Variants in TMX3 observed in about 807,000 individuals in gnomAD.
TMX3 encodes protein disulfide-isomerase TMX3.
TMX3 carries 40 observed loss-of-function variants against 64.4 expected under a neutral mutation model. That is an observed-to-expected ratio of 0.62 (90% CI 0.48 to 0.81). The LOEUF (loss-of-function observed/expected upper bound fraction) is 0.81. TMX3 is among the 30% of genes least tolerant of loss of function. The pLI is 0.00. For synonymous variants in TMX3, 189 were observed against 175.7 expected, an observed-to-expected ratio of 1.08 and a Z score of -0.60; for missense variants, 497 against 534.5, an observed-to-expected ratio of 0.93 and a Z score of 0.69.
At chr18:68,713,800 G>T in intron 2 of TMX3, 46 bp downstream of exon 2, 1 of 961,510 alleles carries the variant, frequency 1.0e-6, no homozygotes, top group Non-Finnish European at 1.5e-6. Flanking sequence ...AGATATCTGA[G>T]TTGGACAGTT....
Position 68,681,069 on chromosome 18 carries a change from T to C in TMX3, c.947A>G (p.Asn316Ser). The change falls in exon 14 of 16, where the codon AAC (asparagine) becomes AGC (serine). Residue 316 changes from asparagine (N) to serine (S), a missense_variant. Transcript: ENST00000299608. ...TCTATCTAGCAAGAAATATTGCTGGTTTGAAGTATTCAGTACAACTACAGT... is the reference window on the plus strand; with the variant it reads ...TCTATCTAGCAAGAAATATTGCTGGCTTGAAGTATTCAGTACAACTACAGT... The part of the protein sequence containing the change: ...VPTVVVLNTS[N>S]QQYFLLDRQI... 1 of 1,602,298 alleles carries C rather than the reference T, an allele frequency of 6.2e-7. No individual in the cohort carries two copies. The highest frequency in any genetic ancestry group is 1.7e-5 in the Admixed American group (1 of 58,144).
intron 9 of TMX3, among the ~76,000 whole-genome samples, chr18:68,690,448 C>T (rs906727569): frequency 6.6e-6 from 1 of 152,130 alleles, no homozygotes; most frequent in African/African-American, 2.4e-5. Flanking sequence ...TTCACTGCTT[C>T]CCTTGAAATT....
chr18:68,704,922 G>C (rs757901634), intron 4 of TMX3, among the ~76,000 whole-genome samples: 1 of 152,116 alleles, frequency 6.6e-6, no homozygotes, highest in Non-Finnish European at 1.5e-5. Flanking sequence ...TAGTTACCTT[G>C]TTATTTCATC....
chr18:68,683,338 A>G (rs1461091098), intron 12 of TMX3, among the ~76,000 whole-genome samples: 2 of 152,154 alleles, frequency 1.3e-5, no homozygotes, highest in Non-Finnish European at 1.5e-5. Flanking sequence ...GACGCTACAT[A>G]CTATGTAAGA....
At chr18:68,702,734 A>G (rs143803955) in intron 4 of TMX3, among the ~76,000 whole-genome samples, 8 of 152,320 alleles carry the variant, frequency 5.3e-5, no homozygotes, top group African/African-American at 1.7e-4. Flanking sequence ...TAAGGAAGCT[A>G]CTACATCTGA....
intron 10 of TMX3, among the ~76,000 whole-genome samples, chr18:68,685,792 A>G (rs1037916731): frequency 1.3e-5 from 2 of 152,232 alleles, no homozygotes; most frequent in Admixed American, 6.5e-5. Flanking sequence ...AAAAAAAATT[A>G]CAGCATAAAT....
chr18:68,709,046 A>G (rs1194110825), intron 4 of TMX3, among the ~76,000 whole-genome samples: 1 of 152,128 alleles, frequency 6.6e-6, no homozygotes, highest in African/African-American at 2.4e-5. Flanking sequence ...TTTCTTCACT[A>G]ATGAAAGAGA....
chr18:68,713,003 TAAAAAAA>T (rs34191235), intron 2 of TMX3, among the ~76,000 whole-genome samples: 1 of 122,314 alleles, frequency 8.2e-6, no homozygotes, highest in African/African-American at 3.0e-5. Context: ...TCAAGAGGTT[TAAAAAAA>T]AAAAAAAAAA....
intron 8 of TMX3, among the ~76,000 whole-genome samples, chr18:68,692,815 T>C (rs1273905451): frequency 3.9e-5 from 6 of 152,210 alleles, no homozygotes; most frequent in Non-Finnish European, 8.8e-5. Context: ...AAATACTAAA[T>C]ATGCTCATGT....
intron 15 of TMX3, among the ~76,000 whole-genome samples, chr18:68,677,469 T>G (rs963095596): frequency 1.3e-5 from 2 of 152,108 alleles, no homozygotes; most frequent in Non-Finnish European, 2.9e-5. Context: ...AGACACTGAT[T>G]TTTCTACATT....
rs1362101013 is a variant in TMX3, at chr18:68,677,003, G to A, written c.1295C>T (p.Pro432Leu). 6 of 1,613,616 alleles carry A rather than the reference G, an allele frequency of 3.7e-6. No individual in the cohort carries two copies. Among genetic ancestry groups the A allele is most frequent in the Non-Finnish European group, 5.1e-6 (6 of 1,179,760 alleles). ...AGGCACTACAGATCCTCCACTGCTG[G>A]GCTCCTGCTGTTCTTTGCTCTCTTC... is the stretch of plus-strand genomic sequence containing the variant. The part of the protein sequence containing the change: ...QIEESKEQQE[P>L]SSGGSVVPTV... Residue 432 changes from proline (P) to leucine (L), a missense_variant, in exon 16 of 16, where the codon CCC becomes CTC. By Grantham distance (98) the Pro-to-Leu change is moderately conservative (BLOSUM62 -3). Coordinates refer to ENST00000299608, the MANE Select transcript of TMX3 (RefSeq NM_019022.5).
At chr18:68,677,924 CA>C (rs1367987043) in intron 15 of TMX3, among the ~76,000 whole-genome samples, 4 of 152,040 alleles carry the variant, frequency 2.6e-5, no homozygotes, top group African/African-American at 9.7e-5. Flanking sequence ...AAGTGAGCAC[CA>C]GGCAATTTGC....
chr18:68,706,694 C>G (rs2030708305), intron 4 of TMX3, among the ~76,000 whole-genome samples: 1 of 152,156 alleles, frequency 6.6e-6, no homozygotes, highest in African/African-American at 2.4e-5. Context: ...TACAGGTAGA[C>G]TTAGAATAAC....
At chr18:68,699,690 G>T (rs932811140) in intron 6 of TMX3, among the ~76,000 whole-genome samples, 1 of 151,994 alleles carries the variant, frequency 6.6e-6, no homozygotes, top group Non-Finnish European at 1.5e-5. Flanking sequence ...ACATTCTCAA[G>T]AACTTTCACA....
chr18:68,691,611 A>T (rs954984902), intron 8 of TMX3, among the ~76,000 whole-genome samples: 1 of 152,184 alleles, frequency 6.6e-6, no homozygotes, highest in Non-Finnish European at 1.5e-5. Context: ...CTTACCTGAT[A>T]ACAGACTTAA....
chr18:68,687,631 T>C (rs746695005), intron 10 of TMX3, 36 bp downstream of exon 10: 7 of 1,562,786 alleles, frequency 4.5e-6, no homozygotes, highest in Admixed American at 2.2e-5. Flanking sequence ...AGAAAAATCA[T>C]GTAACATAAT....
chr18:68,701,737 C>A lies in TMX3; in HGVS notation c.311+8G>T. The A allele has an allele frequency of 6.2e-7, 1 of 1,611,704 alleles. No individual in the cohort carries two copies. On this transcript the variant is annotated splice_region_variant and intron_variant, in intron 5 of 15. Transcript: ENST00000299608. ...AATACACATATAAACATACAACACT[C>A]AACTTACAGCTTAATTGTTGGATAA...
chr18:68,691,580 T>C (rs750151231), intron 8 of TMX3, among the ~76,000 whole-genome samples: 24 of 152,208 alleles, frequency 1.6e-4, no homozygotes, highest in Non-Finnish European at 2.8e-4. Flanking sequence ...CTGTTTGCTA[T>C]AGTAAAAACC....
At chr18:68,709,871 C>A (rs1033223735) in intron 4 of TMX3, 150 bp downstream of exon 4, 7 of 635,588 alleles carry the variant, frequency 1.1e-5, no homozygotes, top group Non-Finnish European at 1.7e-5. Context: ...ATGGCTAATT[C>A]ATTTAACTCA....
Sources: allele counts gnomAD v4.1 joint callset (sites outside exome capture counted in the v4.1 genomes callset), GRCh38; gene constraint gnomAD v4.1.1; transcripts MANE v1.5; gene names NCBI Gene and HGNC (gene_info 2026-07-23, HGNC 2026-07-21).